The following PCDHA6 variants were observed in gnomAD, a reference collection of about 807,000 sequenced individuals.
The protein encoded by PCDHA6 is protocadherin alpha 6, also known as protocadherin alpha-6.
A neutral mutation model predicts 60.3 loss-of-function variants in PCDHA6; 55 were observed. The ratio of observed to expected loss-of-function variants is 0.91; its 90% CI spans 0.73 to 1.14. The LOEUF is 1.14. Among genes scored for constraint, PCDHA6 ranks in the 50% most tolerant of loss-of-function variants. PCDHA6 has a pLI of 0.00. For missense variants in PCDHA6, 1,327 were observed against 1,256.5 expected, an observed-to-expected ratio of 1.06 and a Z score of -0.85; for synonymous variants, 652 against 557.9, an observed-to-expected ratio of 1.17 and a Z score of -2.38.
intron 1 of PCDHA6, among the ~76,000 whole-genome samples, chr5:140,941,595 A>T (rs1273931279): frequency 6.6e-6 from 1 of 152,016 alleles, no homozygotes; most frequent in African/African-American, 2.4e-5. Context: ...GATTACAGCC[A>T]TGAGCCATGG....
chr5:140,945,534 TACAA>T (rs1326981055), intron 1 of PCDHA6, among the ~76,000 whole-genome samples: 1 of 151,454 alleles, frequency 6.6e-6, no homozygotes, highest in African/African-American at 2.4e-5. Flanking sequence ...AAACAAAACA[TACAA>T]ACAAAAAAAT....
intron 1 of PCDHA6, chr5:140,967,458 A>T (rs1042156831): frequency 6.2e-7 from 1 of 1,613,546 alleles, no homozygotes; most frequent in Non-Finnish European, 8.5e-7. Flanking sequence ...ACAGCCGTGG[A>T]TGGGGGCATC....
chr5:140,927,451 T>C (rs782170767), intron 1 of PCDHA6: 4 of 1,614,082 alleles, frequency 2.5e-6, no homozygotes, highest in South Asian at 1.1e-5. Context: ...GGAGTTGGTG[T>C]TGGAGAAAGC....
chr5:140,940,208 A>C (rs1193106137), intron 1 of PCDHA6, among the ~76,000 whole-genome samples: 1 of 152,164 alleles, frequency 6.6e-6, no homozygotes, highest in Non-Finnish European at 1.5e-5. Context: ...AAAATTCAAG[A>C]TTGGCATTTA....
chr5:140,942,641 G>T (rs1198552335), intron 1 of PCDHA6, among the ~76,000 whole-genome samples: 1 of 151,754 alleles, frequency 6.6e-6, no homozygotes, highest in African/African-American at 2.4e-5. Flanking sequence ...TGGCAAAAGA[G>T]ATCTCATTCA....
At chr5:140,842,919 T>A in intron 1 of PCDHA6, 1 of 1,594,538 alleles carries the variant, frequency 6.3e-7, no homozygotes, top group Non-Finnish European at 8.6e-7. Flanking sequence ...CTGCTGCAGT[T>A]CCAGGTGAGC....
In PCDHA6 at chr5:140,876,415, G is replaced by C. The variant is rs782679956; in HGVS notation, c.2394+45930G>C. 3 of 1,613,842 alleles carry C rather than the reference G, an allele frequency of 1.9e-6. No individual in the cohort carries two copies. The African/African-American group carries it at 4.0e-5, about 22-fold the overall frequency. On this transcript the variant is annotated intron_variant, in intron 1 of 3. Transcript: ENST00000529310. ...TGAACTGGATTTTGAAGAGAATAATGCCTATGAAATTCAGGTTAACGCCAT... is the reference window on the plus strand; with the variant it reads ...TGAACTGGATTTTGAAGAGAATAATCCCTATGAAATTCAGGTTAACGCCAT...
chr5:140,837,869 G>T (rs1367921938), intron 1 of PCDHA6, among the ~76,000 whole-genome samples: 1 of 151,606 alleles, frequency 6.6e-6, no homozygotes, highest in African/African-American at 2.4e-5. Flanking sequence ...TGTAGAGACA[G>T]GGTGGAGTCT....
At chr5:140,863,452 G>A in intron 1 of PCDHA6, 4 of 561,032 alleles carry the variant, frequency 7.1e-6, no homozygotes, top group South Asian at 2.9e-5. Flanking sequence ...TCGCAGCAAA[G>A]GAGATTTTAC....
At chr5:140,855,178 G>T (rs1170062889) in intron 1 of PCDHA6, among the ~76,000 whole-genome samples, 1 of 149,594 alleles carries the variant, frequency 6.7e-6, no homozygotes, top group African/African-American at 2.5e-5. Flanking sequence ...AAACAAATGT[G>T]GCCAAATTGA....
chr5:140,834,478 A>G (rs1554134254), intron 1 of PCDHA6: 1 of 1,614,162 alleles, frequency 6.2e-7, no homozygotes, highest in East Asian at 2.2e-5. Context: ...GGCCAGCTCC[A>G]CTACTCGGTC....
chr5:140,983,897 G>A (rs155365), intron 3 of PCDHA6, among the ~76,000 whole-genome samples: 149,305 of 152,360 alleles, frequency 0.98, 73,183 homozygotes, highest in Middle Eastern at 1. Flanking sequence ...AAGGGCATTC[G>A]TTGATTCTAA....
At chr5:140,857,963 A>G (rs630162) in intron 1 of PCDHA6, 997,914 of 1,595,004 alleles carry the variant, frequency 0.63, 344,648 homozygotes, top group African/African-American at 0.69. Context: ...TCTGGATGAG[A>G]CTGACTCGCC....
intron 3 of PCDHA6, among the ~76,000 whole-genome samples, chr5:140,991,619 A>G (rs1554252338): frequency 1.3e-5 from 2 of 152,206 alleles, no homozygotes; most frequent in African/African-American, 4.8e-5. Context: ...CTTTAATGCC[A>G]TATTTGTAAT....
chr5:140,908,186 G>A (rs189627133), intron 1 of PCDHA6, among the ~76,000 whole-genome samples: 52 of 152,292 alleles, frequency 3.4e-4, no homozygotes, highest in African/African-American at 1.2e-3. Context: ...CCACTTTCAG[G>A]TGGTGGACAT....
intron 1 of PCDHA6, among the ~76,000 whole-genome samples, chr5:140,890,446 T>A (rs1554184296): frequency 6.6e-6 from 1 of 152,228 alleles, no homozygotes; most frequent in Non-Finnish European, 1.5e-5. Context: ...CCTAGTGATA[T>A]CTTTAGGCAC....
In PCDHA6 at chr5:140,850,586, C is replaced by T. The variant is rs10040059; in HGVS notation, c.2394+20101C>T. The stretch of plus-strand genomic sequence containing the variant: ...CCGAGGTGACGCTGGTGGATGTCAA[C>T]GTGTACCTGATCATCGCCATCTGCG... On this transcript the variant is annotated intron_variant, in intron 1 of 3. Transcript: ENST00000529310. 1,289 of 1,598,414 alleles carry T rather than the reference C, an allele frequency of 8.1e-4. 73 individuals carry two copies. In the African/African-American group the frequency reaches 0.014, roughly 17 times the overall value.
At chr5:140,967,783 C>T (rs1554229939) in intron 1 of PCDHA6, 1 of 1,614,186 alleles carries the variant, frequency 6.2e-7, no homozygotes, top group Admixed American at 1.7e-5. Flanking sequence ...AGGCGACTGA[C>T]CGGGGTCCAG....
Position 140,857,572 on chromosome 5 carries a change from G to T in PCDHA6, c.2394+27087G>T, listed in dbSNP as rs144978636. On this transcript the variant is annotated intron_variant, in intron 1 of 3. Coordinates refer to ENST00000529310, the MANE Select transcript of PCDHA6 (RefSeq NM_018909.4). Reference sequence around the variant, plus strand: ...AGCGCTCGCTGTCGAGCTACGTGTCGGTGCACGCGGAGAGCGGCAAGGTGT... The same window carrying T: ...AGCGCTCGCTGTCGAGCTACGTGTCTGTGCACGCGGAGAGCGGCAAGGTGT... 1.0e-5 allele frequency: 16 copies of T among 1,596,716 alleles called. 2 individuals carry two copies. The highest frequency in any genetic ancestry group is 1.4e-5 in the Non-Finnish European group (16 of 1,167,664).
Sources: gnomAD v4.1 joint callset for allele counts (sites outside exome capture counted in the v4.1 genomes callset) on GRCh38, gnomAD v4.1.1 for gene constraint, MANE v1.5 for transcripts, NCBI Gene and HGNC (gene_info 2026-07-23, HGNC 2026-07-21) for gene names.